GCSAML: variants seen among roughly 807,000 people sequenced by gnomAD.
The protein encoded by GCSAML is germinal center-associated signaling and motility-like protein.
Under a neutral mutation model 13.0 loss-of-function variants are expected in GCSAML, and 9 were observed. That is an observed-to-expected ratio of 0.69 (90% confidence interval 0.42 to 1.21). The LOEUF (loss-of-function observed/expected upper bound fraction) is 1.21. Ranked by LOEUF, GCSAML falls within the 50% of genes most tolerant of loss-of-function variation. The probability of loss-of-function intolerance (pLI) is 0.00; values close to 1 mark genes in which losing one functional copy is unlikely to be tolerated. For synonymous variants in GCSAML, 37 were observed against 52.9 expected, an observed-to-expected ratio of 0.70 and a Z score of 1.31; for missense variants, 143 against 153.4, an observed-to-expected ratio of 0.93 and a Z score of 0.36.
intron 2 of GCSAML, chr1:247,529,382 C>T (rs1475553240): frequency 2.0e-5 from 3 of 152,170 alleles, no homozygotes; most frequent in African/African-American, 7.2e-5. Flanking sequence ...GTGGGCTTGA[C>T]TGAATGATGG....
intron 1 of GCSAML, among the ~76,000 whole-genome samples, chr1:247,513,512 C>T (rs901630091): frequency 3.9e-5 from 6 of 152,152 alleles, no homozygotes; most frequent in African/African-American, 7.2e-5. Context: ...TCCAGGGCAG[C>T]GGATAGTTCT....
intron 2 of GCSAML, among the ~76,000 whole-genome samples, chr1:247,532,877 G>C (rs1438370827): frequency 3.1e-5 from 1 of 32,034 alleles, no homozygotes; most frequent in East Asian, 3.9e-3. Flanking sequence ...GACTGGGTGG[G>C]GGGTGTTCAC....
At chr1:247,564,239 AGT>A (rs1187685115) in intron 3 of GCSAML, among the ~76,000 whole-genome samples, 3 of 152,110 alleles carry the variant, frequency 2.0e-5, no homozygotes, top group Non-Finnish European at 4.4e-5. Flanking sequence ...GCCCCTAAAA[AGT>A]GTATTATTTT....
At chr1:247,520,296 G>C (rs535142403) in intron 1 of GCSAML, among the ~76,000 whole-genome samples, 1 of 152,152 alleles carries the variant, frequency 6.6e-6, no homozygotes, top group Non-Finnish European at 1.5e-5. Flanking sequence ...TAGACTTTGA[G>C]TAAAGTAGAT....
chr1:247,564,632 C>T (rs901543373), intron 3 of GCSAML, among the ~76,000 whole-genome samples: 4 of 152,158 alleles, frequency 2.6e-5, no homozygotes, highest in African/African-American at 9.7e-5. Flanking sequence ...ATGATTACTA[C>T]ATCAAATTAA....
chr1:247,577,292 G>A lies in GCSAML; in HGVS notation c.*2910G>A, dbSNP rs944953674. 6.6e-6 allele frequency: 1 copy of A among 152,094 alleles called. No individual in the cohort carries two copies. Among genetic ancestry groups the A allele is most frequent in the African/African-American group, 2.4e-5 (1 of 41,428 alleles). 9.4% of individuals were successfully genotyped at this position (152,094 alleles called of 1,614,324 possible). A position where few individuals can be genotyped will look rare whatever the true frequency, so the allele number is the denominator to read the frequency against. On this transcript the variant is annotated 3_prime_UTR_variant, in exon 5 of 5. Coordinates refer to ENST00000366488, the MANE Select transcript of GCSAML (RefSeq NM_145278.5). Reference sequence around the variant, plus strand: ...GTAAGGGTAGAGTTATAAGAATTTTGTCAAATGTATTCACCCATGTAGTCA... The same window carrying A: ...GTAAGGGTAGAGTTATAAGAATTTTATCAAATGTATTCACCCATGTAGTCA...
At chr1:247,569,132 A>G (rs1261531920) in intron 4 of GCSAML, among the ~76,000 whole-genome samples, 4 of 152,182 alleles carry the variant, frequency 2.6e-5, no homozygotes, top group African/African-American at 4.8e-5. Flanking sequence ...TTCTAAACAT[A>G]CAATCACGTC....
At position 247,518,179 on chromosome 1, in the gene GCSAML, C is replaced by A. The variant is rs374942129; in HGVS notation, c.-262-8761C>A. On this transcript the variant is annotated intron_variant, in intron 1 of 5. Transcript: ENST00000366489. ...GCCTCTGGCTCCTGGTCTGGCCTGG[C>A]CGCGCCGGCTCCGGGAGCTGCCATT... Among the ~76,000 whole-genome samples, 433 of 152,338 alleles carry A rather than the reference C, an allele frequency of 2.8e-3. 3 individuals carry two copies. Among genetic ancestry groups the A allele is most frequent in the African/African-American group, 0.01 (417 of 41,580 alleles).
chr1:247,538,772 G>T (rs769539917), intron 2 of GCSAML: 7 of 456,454 alleles, frequency 1.5e-5, no homozygotes, highest in South Asian at 1.1e-4. Context: ...CTTGATCTTG[G>T]ACTTCCAGTC....
At chr1:247,531,545 G>A (rs997774447) in intron 2 of GCSAML, 5 of 1,612,322 alleles carry the variant, frequency 3.1e-6, no homozygotes, top group Non-Finnish European at 4.2e-6. Context: ...AGGCACTGGA[G>A]TCTCTAAATT....
chr1:247,519,607 G>A (rs1666344691), intron 1 of GCSAML, among the ~76,000 whole-genome samples: 2 of 152,170 alleles, frequency 1.3e-5, no homozygotes, highest in African/African-American at 2.4e-5. Context: ...ATTTAAGTGC[G>A]GCAAACATTC....
At position 247,549,214 on chromosome 1, in the gene GCSAML, A is replaced by G. The variant is rs141912613; in HGVS notation, c.23A>G (p.Lys8Arg). 9.0e-5 allele frequency: 145 copies of G among 1,613,812 alleles called. No individual in the cohort carries two copies. The highest frequency in any genetic ancestry group is 1.2e-4 in the Non-Finnish European group (137 of 1,179,852). ...AAGATGGGAAATTATCTCCTGCGAA[A>G]ACTCAGGTGAGTCTTGACTCTTGGT... is the stretch of plus-strand genomic sequence containing the variant. MGNYLLR[K>R]LSCLGENQKK... The change falls in exon 1 of 5, where the codon AAA (lysine) becomes AGA (arginine). Residue 8 changes from lysine (K) to arginine (R), a missense_variant. Coordinates refer to ENST00000366488, the MANE Select transcript of GCSAML (RefSeq NM_145278.5).
chr1:247,512,908 C>T (rs1315790583), intron 1 of GCSAML, among the ~76,000 whole-genome samples: 1 of 152,148 alleles, frequency 6.6e-6, no homozygotes, highest in Non-Finnish European at 1.5e-5. Flanking sequence ...AAGCACCCAC[C>T]AGATGCAGCT....
At chr1:247,524,646 T>G (rs1182908529) in intron 1 of GCSAML, 1 of 152,186 alleles carries the variant, frequency 6.6e-6, no homozygotes, top group Admixed American at 6.5e-5. Context: ...TTTCTTTGAA[T>G]GAAATAATGA....
At chr1:247,553,681 G>A (rs552408971) in intron 1 of GCSAML, among the ~76,000 whole-genome samples, 1 of 152,282 alleles carries the variant, frequency 6.6e-6, no homozygotes, top group South Asian at 2.1e-4. Context: ...GTGCACTACA[G>A]CTTTGAACTC....
At chr1:247,540,673 A>T (rs900365361) in intron 2 of GCSAML, among the ~76,000 whole-genome samples, 4 of 152,166 alleles carry the variant, frequency 2.6e-5, no homozygotes, top group Non-Finnish European at 5.9e-5. Context: ...GGGGGCAGTG[A>T]CCACTGTGGG....
Position 247,541,629 on chromosome 1 carries a change from C to T in GCSAML, c.-147-7416C>T, listed in dbSNP as rs1667414406. On this transcript the variant is annotated intron_variant, in intron 2 of 5. Coordinates refer to the GCSAML transcript ENST00000366489. Reference sequence around the variant, plus strand: ...TTTGAGATGTTGGCCTGAAACCCGGCTGCTTCTTGAAATAGAAAAACCCTT... The same window carrying T: ...TTTGAGATGTTGGCCTGAAACCCGGTTGCTTCTTGAAATAGAAAAACCCTT... Among the ~76,000 whole-genome samples the T allele has an allele frequency of 2.6e-5, 4 of 152,162 alleles. No individual in the cohort carries two copies. In the South Asian group the frequency reaches 8.3e-4, roughly 32 times the overall value.
intron 2 of GCSAML, among the ~76,000 whole-genome samples, chr1:247,560,289 A>G (rs537452921): frequency 6.6e-6 from 1 of 152,294 alleles, no homozygotes; most frequent in South Asian, 2.1e-4. Context: ...GTTGTGCAGT[A>G]ATGTTTGCTT....
At chr1:247,573,862 C>A (rs1005145959) in intron 4 of GCSAML, among the ~76,000 whole-genome samples, 1 of 152,148 alleles carries the variant, frequency 6.6e-6, no homozygotes, top group African/African-American at 2.4e-5. Flanking sequence ...TCTCTTATTT[C>A]CTTGAGCAGT....
Sources: gnomAD v4.1 joint callset for allele counts (sites outside exome capture counted in the v4.1 genomes callset) on GRCh38, gnomAD v4.1.1 for gene constraint, MANE v1.5 for transcripts, NCBI Gene and HGNC (gene_info 2026-07-23, HGNC 2026-07-21) for gene names.